Variants in SLC25A37 observed in about 807,000 individuals in gnomAD.
The protein encoded by SLC25A37 is mitoferrin-1.
SLC25A37 carries 17 observed loss-of-function variants against 31.0 expected under a neutral mutation model. That is an observed-to-expected ratio of 0.55 (90% CI 0.38 to 0.82). SLC25A37 has a LOEUF of 0.82. SLC25A37 is among the 40% of genes least tolerant of loss of function. The pLI is 0.00. For synonymous variants in SLC25A37, 222 were observed against 193.0 expected (o/e 1.15, Z -1.24); for missense variants, 404 against 465.8 (o/e 0.87, Z 1.22).
chr8:23,567,947 T>C lies in SLC25A37; in HGVS notation c.440-375T>C. 3 of 288,378 alleles carry C rather than the reference T, an allele frequency of 1.0e-5. No homozygotes were observed. In the South Asian group the frequency reaches 1.1e-4, roughly 10 times the overall value. The allele number at this position is 288,378 out of a possible 1,614,324, so 17.9% of individuals were successfully genotyped here. ...TCAGGGCCCCAGCTTAAGGGCAAAG[T>C]GAGTTAATGTGTAGACAAAGGCGAG... is the stretch of plus-strand genomic sequence containing the variant. On this transcript the variant is annotated intron_variant, in intron 2 of 3. Coordinates refer to ENST00000519973, the MANE Select transcript of SLC25A37 (RefSeq NM_016612.4).
Position 23,543,858 on chromosome 8 carries a change from T to C in SLC25A37, c.210+14646T>C, listed in dbSNP as rs555839232. 1.9e-4 allele frequency among the ~76,000 whole-genome samples: 29 copies of C among 152,208 alleles called. No individual in the cohort carries two copies. The East Asian group carries it at 4.1e-3, about 21-fold the overall frequency. On this transcript the variant is annotated intron_variant, in intron 1 of 3. Transcript: ENST00000519973. ...GCAAAAAACGATGTGGTATTTTCAC[T>C]GTACTTTTTTTTTGTTATTGAGACG...
chr8:23,554,798 C>T (rs1358437408), intron 1 of SLC25A37, among the ~76,000 whole-genome samples: 6 of 152,292 alleles, frequency 3.9e-5, no homozygotes, highest in East Asian at 1.9e-4. Context: ...TTGGAGAGAG[C>T]GACCAGCCTG....
intron 1 of SLC25A37, among the ~76,000 whole-genome samples, chr8:23,557,362 G>A (rs1802395567): frequency 6.6e-6 from 1 of 152,180 alleles, no homozygotes; most frequent in African/African-American, 2.4e-5. Flanking sequence ...CTGGGTTTCT[G>A]CATTTGTAGT....
chr8:23,548,699 A>T (rs1802139297), intron 1 of SLC25A37, among the ~76,000 whole-genome samples: 1 of 150,704 alleles, frequency 6.6e-6, no homozygotes, highest in Non-Finnish European at 1.5e-5. Flanking sequence ...CAAATTCCCG[A>T]CCTCAGGTGA....
chr8:23,546,636 T>TATATC (rs757433392), intron 1 of SLC25A37, among the ~76,000 whole-genome samples: 1 of 143,672 alleles, frequency 7.0e-6, no homozygotes, highest in East Asian at 2.1e-4. Context: ...ATATATATAT[T>TATATC]TGGGCCAGGA....
chr8:23,574,070 G>A lies in SLC25A37; in HGVS notation c.*2215G>A, dbSNP rs1802929984. On this transcript the variant is annotated 3_prime_UTR_variant, in exon 4 of 4. Coordinates refer to ENST00000519973, the MANE Select transcript of SLC25A37 (RefSeq NM_016612.4). The stretch of plus-strand genomic sequence containing the variant: ...TTTTGGTCCACTTAAGATATGCCAC[G>A]CTGAAGCAAGGTATTTCCTACTGGA... 1.5e-5 allele frequency: 5 copies of A among 340,984 alleles called. No individual in the cohort carries two copies. Among genetic ancestry groups the A allele is most frequent in the Non-Finnish European group, 3.0e-5 (5 of 169,268 alleles). 21.1% of individuals were successfully genotyped at this position (340,984 alleles called of 1,614,324 possible).
intron 1 of SLC25A37, among the ~76,000 whole-genome samples, chr8:23,550,630 C>A (rs182140444): frequency 6.6e-6 from 1 of 152,310 alleles, no homozygotes; most frequent in East Asian, 1.9e-4. Flanking sequence ...ACAGCTTACG[C>A]GCAGCTAGGT....
chr8:23,539,118 A>G (rs1193738898), intron 1 of SLC25A37, among the ~76,000 whole-genome samples: 2 of 152,178 alleles, frequency 1.3e-5, no homozygotes, highest in Non-Finnish European at 2.9e-5. Flanking sequence ...AAGAGGTGTT[A>G]TGGTTTCACA....
At chr8:23,531,426 A>G (rs563326611) in intron 1 of SLC25A37, among the ~76,000 whole-genome samples, 1 of 152,338 alleles carries the variant, frequency 6.6e-6, no homozygotes, top group South Asian at 2.1e-4. Context: ...TTTTGTCACT[A>G]TAAAGTGGGG....
chr8:23,538,522 CGTGTGTGTGT>C (rs202005751), intron 1 of SLC25A37, among the ~76,000 whole-genome samples: 3 of 108,934 alleles, frequency 2.8e-5, no homozygotes, highest in Admixed American at 9.3e-5. Context: ...CGTTGTTTGT[CGTGTGTGTGT>C]GTGTGTGTGT....
chr8:23,544,684 T>G (rs1428462362), intron 1 of SLC25A37, among the ~76,000 whole-genome samples: 4 of 152,166 alleles, frequency 2.6e-5, no homozygotes, highest in African/African-American at 9.7e-5. Context: ...ACAACTAAAC[T>G]GTATGATTCT....
At chr8:23,538,460 A>G (rs79693152) in intron 1 of SLC25A37, among the ~76,000 whole-genome samples, 10,548 of 141,704 alleles carry the variant, frequency 0.074, 848 homozygotes, top group East Asian at 0.32. Flanking sequence ...TTTGTTTTGC[A>G]TTGGTTTTGA....
intron 1 of SLC25A37, among the ~76,000 whole-genome samples, chr8:23,548,395 G>A (rs754879904): frequency 1.5e-4 from 22 of 151,018 alleles, no homozygotes; most frequent in Non-Finnish European, 2.9e-4. Flanking sequence ...GGTCAGGATG[G>A]TCTCAATCTC....
intron 1 of SLC25A37, among the ~76,000 whole-genome samples, chr8:23,546,551 ATAGT>A (rs1421376699): frequency 7.2e-5 from 1 of 13,882 alleles, no homozygotes; most frequent in South Asian, 2.6e-3. Flanking sequence ...ATATATATAT[ATAGT>A]GTATATATAT....
chr8:23,561,712 G>A (rs1294066886), intron 1 of SLC25A37, among the ~76,000 whole-genome samples: 1 of 152,184 alleles, frequency 6.6e-6, no homozygotes, highest in Admixed American at 6.5e-5. Flanking sequence ...GGCTGGAAGG[G>A]GTCTAGATGG....
chr8:23,530,071 C>T (rs1306175190), intron 1 of SLC25A37, among the ~76,000 whole-genome samples: 1 of 152,208 alleles, frequency 6.6e-6, no homozygotes, highest in Non-Finnish European at 1.5e-5. Flanking sequence ...CTCTGTCAGC[C>T]TGCCCAGAAC....
rs1429874967 is a variant in SLC25A37 at position 23,574,707 on chromosome 8, AG to A, written c.*2853del. The A allele has an allele frequency of 6.4e-6, 1 of 155,132 alleles. No homozygotes were observed. Among genetic ancestry groups the A allele is most frequent in the African/African-American group, 2.4e-5 (1 of 41,528 alleles). The allele number at this position is 155,132 out of a possible 1,614,324, so 9.6% of individuals were successfully genotyped here. A position where few individuals can be genotyped will look rare whatever the true frequency, so the allele number is the denominator to read the frequency against. The stretch of plus-strand genomic sequence containing the variant: ...CAAAGTTGGTATTGTTGCTCCACGC[AG>A]ACTGCAGTCCGGTTTCTTATTGTGA... On this transcript the variant is annotated 3_prime_UTR_variant, in exon 4 of 4. Transcript: ENST00000519973.
Position 23,529,266 on chromosome 8 carries a change from C to A in SLC25A37, c.210+54C>A. On this transcript the variant is annotated intron_variant, in intron 1 of 3. Coordinates refer to ENST00000519973, the MANE Select transcript of SLC25A37 (RefSeq NM_016612.4). The surrounding 1 kb of genome is among the most constrained non-coding windows in gnomAD (Gnocchi z 4.1). Reference sequence around the variant, plus strand: ...AACGAGCGGAGAAGGAGCGCGCGCGCGCATTTGCATCCCGCGCGCCGGCAG... The same window carrying A: ...AACGAGCGGAGAAGGAGCGCGCGCGAGCATTTGCATCCCGCGCGCCGGCAG... 1 of 1,526,854 alleles carries A rather than the reference C, an allele frequency of 6.5e-7. No homozygotes were observed. The highest frequency in any genetic ancestry group is 8.8e-7 in the Non-Finnish European group (1 of 1,130,432). 94.6% of individuals were successfully genotyped at this position (1,526,854 alleles called of 1,614,324 possible). A position where few individuals can be genotyped will look rare whatever the true frequency, so the allele number is the denominator to read the frequency against.
intron 1 of SLC25A37, among the ~76,000 whole-genome samples, chr8:23,555,594 C>CT (rs1802343128): frequency 6.6e-6 from 1 of 152,186 alleles, no homozygotes; most frequent in South Asian, 2.1e-4. Context: ...GCAGTGCTTC[C>CT]TGAAGCCCCA....
Sources: gnomAD v4.1 joint callset for allele counts (sites outside exome capture counted in the v4.1 genomes callset) on GRCh38, gnomAD v4.1.1 for gene constraint, Gnocchi (gnomAD v3.1) non-coding constraint, MANE v1.5 for transcripts, NCBI Gene and HGNC (gene_info 2026-07-23, HGNC 2026-07-21) for gene names.